LARGE1: variants seen among roughly 807,000 people sequenced by gnomAD.
The protein encoded by LARGE1 is LARGE xylosyl- and glucuronyltransferase 1, also known as xylosyl- and glucuronyltransferase LARGE1.
A neutral mutation model predicts 87.6 loss-of-function variants in LARGE1; 43 were observed. The observed-to-expected ratio is 0.49, with a 90% CI of 0.38 to 0.63. LARGE1 has a LOEUF of 0.63. Ranked by LOEUF, LARGE1 falls within the 30% of genes least tolerant of loss-of-function variation. The pLI, the probability that LARGE1 is intolerant of heterozygous loss-of-function variation, is 0.00. For synonymous variants in LARGE1, 434 were observed against 394.6 expected (o/e 1.10, Z -1.18); for missense variants, 802 against 1,000.2 (o/e 0.80, Z 2.67).
intron 2 of LARGE1, among the ~76,000 whole-genome samples, chr22:33,749,440 A>G (rs1397501946): frequency 6.6e-6 from 1 of 152,150 alleles, no homozygotes; most frequent in African/African-American, 2.4e-5. Flanking sequence ...TGGAGAAGAA[A>G]CTGACCTGCA....
intron 5 of LARGE1, among the ~76,000 whole-genome samples, chr22:33,601,572 T>C (rs2079114030): frequency 1.3e-5 from 2 of 152,196 alleles, no homozygotes; most frequent in Admixed American, 1.3e-4. Context: ...CCACAGTTAC[T>C]AGTATTATGA....
chr22:33,474,694 AG>A (rs140680414), intron 6 of LARGE1, among the ~76,000 whole-genome samples: 1,621 of 152,314 alleles, frequency 0.011, 38 homozygotes, highest in African/African-American at 0.037. Flanking sequence ...TGACATAATA[AG>A]GAATAACTGG....
chr22:33,742,522 G>C (rs2083922987), intron 2 of LARGE1, among the ~76,000 whole-genome samples: 1 of 152,172 alleles, frequency 6.6e-6, no homozygotes, highest in Non-Finnish European at 1.5e-5. Flanking sequence ...CACTTGGTCT[G>C]AGGTTCAGAA....
At chr22:33,502,112 C>T (rs1427032823) in intron 6 of LARGE1, among the ~76,000 whole-genome samples, 1 of 151,920 alleles carries the variant, frequency 6.6e-6, no homozygotes, top group Non-Finnish European at 1.5e-5. Context: ...AGGAGAATCC[C>T]TTGAACCCAG....
chr22:33,284,624 C>A (rs899825178), intron 12 of LARGE1, among the ~76,000 whole-genome samples: 9 of 151,904 alleles, frequency 5.9e-5, no homozygotes, highest in Non-Finnish European at 1.0e-4. Flanking sequence ...GTTGCCCAGG[C>A]TGGAGTGCAG....
chr22:33,485,592 T>C (rs1366330257), intron 6 of LARGE1, among the ~76,000 whole-genome samples: 3 of 152,234 alleles, frequency 2.0e-5, no homozygotes, highest in African/African-American at 7.2e-5. Flanking sequence ...AACTAGAGAT[T>C]GGGATGGTTA....
intron 11 of LARGE1, among the ~76,000 whole-genome samples, chr22:33,192,692 T>C (rs1923845856): frequency 6.6e-6 from 1 of 151,910 alleles, no homozygotes; most frequent in Non-Finnish European, 1.5e-5. Context: ...TATTTGTCTA[T>C]TTTTGCTTTT....
rs1257285994 is a variant in LARGE1, at chr22:33,283,274, T to C, written c.1805A>G (p.Tyr602Cys). 6.2e-7 allele frequency: 1 copy of C among 1,614,130 alleles called. No homozygotes were observed. Among genetic ancestry groups the C allele is most frequent in the South Asian group, 1.1e-5 (1 of 91,074 alleles). ...MIVPAFETLRYRLSFPKSKAE... is the reference protein window; with the variant it reads ...MIVPAFETLRCRLSFPKSKAE... The stretch of plus-strand genomic sequence containing the variant: ...TTTTGACTTGGGGAAGGACAGCCGG[T>C]AGCGCAGTGTCTCGAACGCGGGGAC... Residue 602 changes from tyrosine (Y) to cysteine (C), a missense_variant, in exon 13 of 15, where the codon TAC becomes TGC. Physicochemically the swap from Tyr to Cys is radical, Grantham distance 194 (BLOSUM62 -2). Transcript: ENST00000397394.
intron 12 of LARGE1, among the ~76,000 whole-genome samples, chr22:33,288,698 C>T (rs528713177): frequency 3.0e-4 from 46 of 152,154 alleles, no homozygotes; most frequent in African/African-American, 9.2e-4. Context: ...GTCCTAATTC[C>T]GACCTGGTCC....
the LARGE1 span, among the ~76,000 whole-genome samples, chr22:33,138,942 T>C: frequency 6.6e-6 from 1 of 152,156 alleles, no homozygotes; most frequent in Non-Finnish European, 1.5e-5. Flanking sequence ...TGGGAGGTAA[T>C]TGAATCATGA....
At chr22:33,186,257 A>T (rs1429432983) in intron 11 of LARGE1, among the ~76,000 whole-genome samples, 5 of 152,216 alleles carry the variant, frequency 3.3e-5, no homozygotes, top group African/African-American at 1.2e-4. Context: ...AGGAATATAG[A>T]TGCAAAAAAT....
intron 1 of LARGE1, among the ~76,000 whole-genome samples, chr22:33,877,728 G>C (rs1230581989): frequency 6.6e-6 from 1 of 152,054 alleles, no homozygotes; most frequent in African/African-American, 2.4e-5. Flanking sequence ...TTCGAGACCA[G>C]CCTGGCCAAC....
intron 14 of LARGE1, among the ~76,000 whole-genome samples, chr22:33,276,478 C>G (rs1183263136): frequency 6.6e-6 from 1 of 152,146 alleles, no homozygotes; most frequent in Non-Finnish European, 1.5e-5. Context: ...ACTATCTGGT[C>G]CTTTACAGAA....
intron 6 of LARGE1, among the ~76,000 whole-genome samples, chr22:33,531,125 A>ACTGGATT (rs2072176989): frequency 1.3e-5 from 2 of 152,146 alleles, no homozygotes; most frequent in Non-Finnish European, 2.9e-5. Flanking sequence ...TTATAGACAA[A>ACTGGATT]CTGGATCACC....
intron 1 of LARGE1, among the ~76,000 whole-genome samples, chr22:33,905,363 C>G (rs1222341952): frequency 6.6e-6 from 1 of 152,130 alleles, no homozygotes; most frequent in Non-Finnish European, 1.5e-5. Context: ...GCCACCATGC[C>G]TGGGCCCTTG....
intron 6 of LARGE1, among the ~76,000 whole-genome samples, chr22:33,479,741 A>G (rs2069229621): frequency 6.7e-6 from 1 of 149,854 alleles, no homozygotes; most frequent in South Asian, 2.1e-4. Context: ...AACAAAAGTA[A>G]TGACTTTTTT....
chr22:33,827,048 G>A (rs1359321641), intron 1 of LARGE1, among the ~76,000 whole-genome samples: 1 of 152,056 alleles, frequency 6.6e-6, no homozygotes, highest in Non-Finnish European at 1.5e-5. Flanking sequence ...TTTTATCAAT[G>A]CTTTCTCCTA....
intron 1 of LARGE1, among the ~76,000 whole-genome samples, chr22:33,786,754 G>T (rs2085655577): frequency 6.6e-6 from 1 of 152,186 alleles, no homozygotes; most frequent in South Asian, 2.1e-4. Flanking sequence ...GGGCGCAGTG[G>T]CTCACGCCTG....
At chr22:33,142,112 T>C in the LARGE1 span, among the ~76,000 whole-genome samples, 1 of 152,338 alleles carries the variant, frequency 6.6e-6, no homozygotes, top group South Asian at 2.1e-4. Flanking sequence ...GATAGGTTAG[T>C]GGTCAGCCAA....
Sources: allele counts gnomAD v4.1 joint callset (sites outside exome capture counted in the v4.1 genomes callset), GRCh38; gene constraint gnomAD v4.1.1; transcripts MANE v1.5; gene names NCBI Gene and HGNC (gene_info 2026-07-23, HGNC 2026-07-21).